MAP4K3: variants seen among roughly 807,000 people sequenced by gnomAD.
MAP4K3 encodes the protein mitogen-activated protein kinase kinase kinase kinase 3, also known as MAPK/ERK kinase kinase kinase 3.
MAP4K3 carries 94 observed loss-of-function variants against 143.5 expected under a neutral mutation model. The ratio of observed to expected loss-of-function variants is 0.65; its 90% confidence interval spans 0.55 to 0.78. MAP4K3 has a LOEUF of 0.78. Ranked by LOEUF, MAP4K3 falls within the 30% of genes least tolerant of loss-of-function variation. The pLI is 0.00. For missense variants in MAP4K3, 1,077 were observed against 1,068.1 expected (o/e 1.01, Z -0.12); for synonymous variants, 416 against 347.2 (o/e 1.20, Z -2.20).
At chr2:39,330,330 G>A (rs1683642601) in intron 8 of MAP4K3, among the ~76,000 whole-genome samples, 2 of 152,068 alleles carry the variant, frequency 1.3e-5, no homozygotes, top group African/African-American at 4.8e-5. Flanking sequence ...AGACACTAGT[G>A]CAATACTTCA....
At chr2:39,351,868 G>C (rs192319824) in intron 3 of MAP4K3, among the ~76,000 whole-genome samples, 28 of 152,176 alleles carry the variant, frequency 1.8e-4, no homozygotes, top group Non-Finnish European at 5.9e-5. Context: ...TGGGAGTTTT[G>C]CCACGTTGGC....
intron 2 of MAP4K3, among the ~76,000 whole-genome samples, chr2:39,362,712 A>G (rs1665804461): frequency 6.6e-6 from 1 of 152,188 alleles, no homozygotes; most frequent in Non-Finnish European, 1.5e-5. Context: ...AAATTTAGAT[A>G]GAACCACAAA....
chr2:39,261,070 G>C, intron 28 of MAP4K3: 1 of 261,254 alleles, frequency 3.8e-6, no homozygotes. Flanking sequence ...CCAGGAACTG[G>C]GTGACCAGCC....
At chr2:39,384,548 AAAC>A (rs1237895983) in intron 1 of MAP4K3, among the ~76,000 whole-genome samples, 1 of 152,244 alleles carries the variant, frequency 6.6e-6, no homozygotes, top group East Asian at 1.9e-4. Context: ...CTCCATCTCA[AAAC>A]AACAACAGCA....
In MAP4K3 at chr2:39,308,442, A is replaced by G. The variant is rs1309265011; in HGVS notation, c.1057-437T>C. Among the ~76,000 whole-genome samples, 3 of 152,174 alleles carry G rather than the reference A, an allele frequency of 2.0e-5. No homozygotes were observed. In the East Asian group the frequency reaches 5.8e-4, roughly 29 times the overall value. On this transcript the variant is annotated intron_variant, in intron 14 of 33. Transcript: ENST00000263881. ...CTGAATTAGAGTAACTATAAGGTAA[A>G]GGCTAATGACACCCTTTGTATGCTT... is the stretch of plus-strand genomic sequence containing the variant.
In MAP4K3 at chr2:39,356,271, C is replaced by T; in HGVS notation, c.223G>A (p.Ala75Thr). ...TACCTGAGATAGCTTCCAAAATAAG[C>T]AACAATATTTGGGTGTTTACAGTCT... is the stretch of plus-strand genomic sequence containing the variant. The part of the protein sequence containing the change: ...MKDCKHPNIV[A>T]YFGSYLRRDK... The change falls in exon 3 of 34, where the codon GCT becomes ACT. Residue 75 changes from alanine to threonine, a missense_variant. Ala to Thr is a moderately conservative substitution (Grantham distance 58). Around this residue, in one of 2 missense-constraint regions of MAP4K3, gnomAD observed 213 missense variants for 266.8 expected, o/e 0.80. Coordinates refer to ENST00000263881, the MANE Select transcript of MAP4K3 (RefSeq NM_003618.4). 1.9e-6 allele frequency: 3 copies of T among 1,598,134 alleles called. No individual in the cohort carries two copies. The highest frequency in any genetic ancestry group is 2.6e-6 in the Non-Finnish European group (3 of 1,172,012).
intron 1 of MAP4K3, among the ~76,000 whole-genome samples, chr2:39,407,990 A>G (rs913485719): frequency 5.3e-5 from 8 of 152,086 alleles, no homozygotes; most frequent in African/African-American, 1.7e-4. Flanking sequence ...GGATAGGCTA[A>G]CTCCATCCAC....
chr2:39,286,428 T>C (rs1573097183), intron 21 of MAP4K3, among the ~76,000 whole-genome samples: 1 of 152,214 alleles, frequency 6.6e-6, no homozygotes, highest in Non-Finnish European at 1.5e-5. Flanking sequence ...AGTTAGAAAT[T>C]TGTCCTGGGG....
intron 26 of MAP4K3, among the ~76,000 whole-genome samples, chr2:39,268,784 C>T (rs1277421615): frequency 6.6e-6 from 1 of 151,818 alleles, no homozygotes; most frequent in Non-Finnish European, 1.5e-5. Flanking sequence ...TGATTACAGG[C>T]ATCAGCCACC....
At chr2:39,313,196 A>C (rs1682997959) in intron 13 of MAP4K3, among the ~76,000 whole-genome samples, 1 of 152,196 alleles carries the variant, frequency 6.6e-6, no homozygotes, top group African/African-American at 2.4e-5. Context: ...GGCACTGTTT[A>C]TGATGCTCTT....
At chr2:39,309,849 C>A (rs1184367469) in intron 13 of MAP4K3, among the ~76,000 whole-genome samples, 1 of 151,822 alleles carries the variant, frequency 6.6e-6, no homozygotes, top group African/African-American at 2.4e-5. Flanking sequence ...TGAGCCACTG[C>A]GCCCGGCCAA....
chr2:39,437,076 C>G lies in MAP4K3; in HGVS notation c.-89G>C. 1.1e-6 allele frequency: 1 copy of G among 941,472 alleles called. No homozygotes were observed. Among genetic ancestry groups the G allele is most frequent in the Non-Finnish European group, 1.5e-6 (1 of 658,720 alleles). 58.3% of individuals were successfully genotyped at this position (941,472 alleles called of 1,614,324 possible). A position where few individuals can be genotyped will look rare whatever the true frequency, so the allele number is the denominator to read the frequency against. On this transcript the variant is annotated 5_prime_UTR_variant, in exon 1 of 34. Transcript: ENST00000263881. ...CACGGAGAGAGGGCGCCGCGGCCGG[C>G]TCCCGGCTCCCCCGGCGGTCACAAT...
At chr2:39,418,904 A>T (rs1667469815) in intron 1 of MAP4K3, among the ~76,000 whole-genome samples, 2 of 152,196 alleles carry the variant, frequency 1.3e-5, no homozygotes, top group African/African-American at 4.8e-5. Flanking sequence ...TGAGACAGAA[A>T]GAGGCATTAG....
intron 1 of MAP4K3, among the ~76,000 whole-genome samples, chr2:39,391,204 C>A (rs934666246): frequency 6.6e-6 from 1 of 150,850 alleles, no homozygotes; most frequent in African/African-American, 2.4e-5. Flanking sequence ...AAAAAACACA[C>A]AAAAATTAGC....
chr2:39,414,171 ACACT>A (rs1029130074), intron 1 of MAP4K3, among the ~76,000 whole-genome samples: 1 of 152,178 alleles, frequency 6.6e-6, no homozygotes, highest in Non-Finnish European at 1.5e-5. Context: ...GAAAACAGAA[ACACT>A]CACCAACCTC....
chr2:39,250,584 C>A lies in MAP4K3; in HGVS notation c.*34G>T, dbSNP rs751501168. The A allele has an allele frequency of 6.3e-7, 1 of 1,589,192 alleles. No individual in the cohort carries two copies. The highest frequency in any genetic ancestry group is 1.1e-5 in the South Asian group (1 of 89,984). The stretch of plus-strand genomic sequence containing the variant: ...TAATGTTGCAGTGGTAGTGTTCTTT[C>A]TTTCTAGAGTTAACTGTCAAAGCAC... On this transcript the variant is annotated 3_prime_UTR_variant, in exon 34 of 34. Transcript: ENST00000263881.
intron 4 of MAP4K3, among the ~76,000 whole-genome samples, chr2:39,338,121 A>G (rs910060915): frequency 3.3e-5 from 5 of 152,110 alleles, no homozygotes; most frequent in African/African-American, 1.2e-4. Context: ...TGTGCAGAAC[A>G]GTGCCTGGCA....
chr2:39,290,450 T>C, intron 18 of MAP4K3, 116 bp from the exon 19 acceptor site: 2 of 648,488 alleles, frequency 3.1e-6, no homozygotes, highest in Non-Finnish European at 5.2e-6. Context: ...TATCATTTTC[T>C]AAGATTGTAA....
intron 16 of MAP4K3, among the ~76,000 whole-genome samples, chr2:39,297,538 T>C (rs1477660141): frequency 6.6e-6 from 1 of 152,184 alleles, no homozygotes; most frequent in Non-Finnish European, 1.5e-5. Context: ...AAAGTACATA[T>C]GCTTCCTGTT....
Sources: allele counts gnomAD v4.1 joint callset (sites outside exome capture counted in the v4.1 genomes callset), GRCh38; gene constraint gnomAD v4.1.1; regional missense constraint gnomAD v4.1.1; transcripts MANE v1.5; gene names NCBI Gene and HGNC (gene_info 2026-07-23, HGNC 2026-07-21).